KMT2C: variants seen among roughly 807,000 people sequenced by gnomAD.
KMT2C encodes the protein histone-lysine N-methyltransferase 2C.
In KMT2C, 88 loss-of-function variants were observed where a neutral mutation model predicts 507.9. That is an observed-to-expected ratio of 0.17 (90% CI 0.15 to 0.21). KMT2C has a LOEUF of 0.21. Ranked by LOEUF, KMT2C falls within the 10% of genes least tolerant of loss-of-function variation. KMT2C has a pLI of 1.00. For missense variants in KMT2C, 4,954 were observed against 5,957.8 expected, an observed-to-expected ratio of 0.83 and a Z score of 5.55; for synonymous variants, 2,049 against 2,080.8, an observed-to-expected ratio of 0.98 and a Z score of 0.42.
intron 1 of KMT2C, among the ~76,000 whole-genome samples, chr7:152,385,084 C>G (rs1041295777): frequency 1.3e-5 from 2 of 152,086 alleles, no homozygotes; most frequent in African/African-American, 4.8e-5. Context: ...GAACCTGACT[C>G]TGACCAAGCC....
intron 1 of KMT2C, among the ~76,000 whole-genome samples, 171 bp downstream of exon 1, chr7:152,435,455 T>C (rs1011151270): frequency 1.4e-5 from 2 of 145,012 alleles, no homozygotes; most frequent in Non-Finnish European, 3.1e-5. Flanking sequence ...CGCGGGCGGC[T>C]ACCGAGGGGC....
chr7:152,234,817 G>A (rs866076157), intron 16 of KMT2C, among the ~76,000 whole-genome samples: 1 of 151,866 alleles, frequency 6.6e-6, no homozygotes, highest in Non-Finnish European at 1.5e-5. Flanking sequence ...GTGGGAGGTC[G>A]AAGCTAGAGT....
At chr7:152,431,585 G>A (rs1213257901) in intron 1 of KMT2C, among the ~76,000 whole-genome samples, 5 of 149,806 alleles carry the variant, frequency 3.3e-5, no homozygotes, top group East Asian at 1.9e-4. Flanking sequence ...CAGCCTGGGC[G>A]GCAGAGCAAG....
chr7:152,382,352 C>T (rs759855864), intron 1 of KMT2C, among the ~76,000 whole-genome samples: 13 of 152,130 alleles, frequency 8.5e-5, no homozygotes, highest in African/African-American at 1.2e-4. Context: ...TTATTTATAA[C>T]GGCCCCTATT....
At chr7:152,171,439 C>G (rs1051135464) in intron 39 of KMT2C, 97 bp from the exon 40 acceptor site, 2 of 706,036 alleles carry the variant, frequency 2.8e-6, no homozygotes, top group African/African-American at 3.7e-5. Context: ...TTTTCTCTTC[C>G]AGAGAAGAAC....
chr7:152,187,167 T>C (rs142435736), intron 33 of KMT2C, 95 bp downstream of exon 33: 676 of 940,824 alleles, frequency 7.2e-4, no homozygotes, highest in Admixed American at 2.2e-3. Context: ...TAGACAAAAA[T>C]TAGTTAAGCT....
chr7:152,313,596 A>G (rs1188610646), intron 4 of KMT2C, among the ~76,000 whole-genome samples: 3 of 151,612 alleles, frequency 2.0e-5, no homozygotes, highest in East Asian at 1.9e-4. Context: ...ATGAGCAAAG[A>G]CATTTTCAAA....
chr7:152,147,303 ATC>A (rs1308944208), intron 52 of KMT2C, among the ~76,000 whole-genome samples: 1 of 152,118 alleles, frequency 6.6e-6, no homozygotes, highest in Non-Finnish European at 1.5e-5. Context: ...CTTACGTAAT[ATC>A]TGATGTTCCT....
chr7:152,371,412 A>T (rs1443766965), intron 1 of KMT2C, among the ~76,000 whole-genome samples: 1 of 152,204 alleles, frequency 6.6e-6, no homozygotes, highest in East Asian at 1.9e-4. Flanking sequence ...GAACCAACGC[A>T]TATCACTATC....
At chr7:152,188,650 T>C (rs1381434807) in intron 31 of KMT2C, among the ~76,000 whole-genome samples, 1 of 145,716 alleles carries the variant, frequency 6.9e-6, no homozygotes, top group Non-Finnish European at 1.5e-5. Context: ...TCTCACTCTG[T>C]CGCCCAGGCT....
intron 1 of KMT2C, among the ~76,000 whole-genome samples, chr7:152,403,772 G>T (rs1341128494): frequency 2.9e-4 from 43 of 149,882 alleles, no homozygotes; most frequent in African/African-American, 1.0e-3. Context: ...ATACTATTCA[G>T]CCATAAAGGA....
chr7:152,250,495 A>G (rs538022387), intron 12 of KMT2C, among the ~76,000 whole-genome samples: 1 of 152,322 alleles, frequency 6.6e-6, no homozygotes, highest in East Asian at 1.9e-4. Context: ...CCTCAATAGG[A>G]CTGCTGAGAT....
intron 25 of KMT2C, among the ~76,000 whole-genome samples, chr7:152,204,111 T>A (rs1177601640): frequency 6.7e-6 from 1 of 149,568 alleles, no homozygotes; most frequent in Non-Finnish European, 1.5e-5. Context: ...ACTTGCCACC[T>A]CCTGCTCACC....
At chr7:152,361,888 G>C (rs897171536) in intron 1 of KMT2C, among the ~76,000 whole-genome samples, 1 of 152,058 alleles carries the variant, frequency 6.6e-6, no homozygotes, top group Non-Finnish European at 1.5e-5. Flanking sequence ...TCCCACTGTC[G>C]GAAACTGATA....
chr7:152,363,041 C>T (rs73730050), intron 1 of KMT2C, among the ~76,000 whole-genome samples: 1,987 of 152,238 alleles, frequency 0.013, 43 homozygotes, highest in African/African-American at 0.046. Context: ...TCTGACTAAT[C>T]AAACACTATA....
At chr7:152,426,196 G>A (rs1256610862) in intron 1 of KMT2C, among the ~76,000 whole-genome samples, 2 of 148,550 alleles carry the variant, frequency 1.3e-5, no homozygotes, top group Admixed American at 6.7e-5. Context: ...CACTATCCCC[G>A]CCTCCAATAA....
intron 40 of KMT2C, among the ~76,000 whole-genome samples, chr7:152,170,793 G>C (rs2092929926): frequency 1.3e-5 from 2 of 152,202 alleles, no homozygotes; most frequent in African/African-American, 4.8e-5. Context: ...GAGCCACCGT[G>C]CCCAGCCATT....
chr7:152,307,372 GGGAGGGAA>G (rs1332644868), intron 6 of KMT2C, among the ~76,000 whole-genome samples: 16 of 149,024 alleles, frequency 1.1e-4, no homozygotes, highest in Middle Eastern at 3.2e-3. Flanking sequence ...GAGGGAGAGA[GGGAGGGAA>G]GGAGGGAGGA....
chr7:152,167,237 T>C lies in KMT2C; in HGVS notation c.9659A>G (p.Lys3220Arg). ...KALSAKQRTA[K>R]KAGREFPEED... ...CTCTGGAAATTCACGCCCAGCTTTC[T>C]TGGCAGTACGTTGTTTAGCTGAAAG... Residue 3220 changes from lysine (K) to arginine (R), a missense_variant, in exon 42 of 59, where the codon AAG (lysine) becomes AGG (arginine). Around this residue, in one of 29 missense-constraint regions of KMT2C, gnomAD observed 71 missense variants for 139.2 expected, o/e 0.51. Coordinates refer to ENST00000262189, the MANE Select transcript of KMT2C (RefSeq NM_170606.3). 1.2e-6 allele frequency: 2 copies of C among 1,614,200 alleles called. No homozygotes were observed. Among genetic ancestry groups the C allele is most frequent in the Non-Finnish European group, 1.7e-6 (2 of 1,180,036 alleles).
Sources: allele counts gnomAD v4.1 joint callset (sites outside exome capture counted in the v4.1 genomes callset), GRCh38; gene constraint gnomAD v4.1.1; regional missense constraint gnomAD v4.1.1; transcripts MANE v1.5; gene names NCBI Gene and HGNC (gene_info 2026-07-23, HGNC 2026-07-21).